RORA: variants seen among roughly 807,000 people sequenced by gnomAD.
RORA encodes the protein nuclear receptor ROR-alpha.
RORA carries 7 observed loss-of-function variants against 69.5 expected under a neutral mutation model. That is an observed-to-expected ratio of 0.10 (90% confidence interval 0.06 to 0.19). The LOEUF (loss-of-function observed/expected upper bound fraction) is 0.19. Ranked by LOEUF, RORA falls within the 10% of genes least tolerant of loss-of-function variation. The pLI is 1.00. For missense variants in RORA, 457 were observed against 663.0 expected (o/e 0.69, Z 3.41); for synonymous variants, 261 against 240.8 (o/e 1.08, Z -0.78).
intron 1 of RORA, among the ~76,000 whole-genome samples, chr15:60,804,327 CAT>C (rs1301221064): frequency 7.0e-6 from 1 of 142,736 alleles, no homozygotes; most frequent in African/African-American, 2.7e-5. Context: ...CTAGTTAACA[CAT>C]GTTTGCTCTG....
intron 2 of RORA, among the ~76,000 whole-genome samples, chr15:60,673,835 A>G (rs1054434886): frequency 6.6e-6 from 1 of 152,170 alleles, no homozygotes; most frequent in Non-Finnish European, 1.5e-5. Flanking sequence ...TAGGTCCTCA[A>G]TGAATAGTTG....
intron 1 of RORA, among the ~76,000 whole-genome samples, chr15:61,015,499 C>A (rs995553013): frequency 6.6e-6 from 1 of 151,930 alleles, no homozygotes; most frequent in African/African-American, 2.4e-5. Flanking sequence ...GGAAGAAAGG[C>A]CTTTTGCTCA....
intron 1 of RORA, among the ~76,000 whole-genome samples, chr15:60,870,802 A>G (rs182144360): frequency 1.3e-5 from 2 of 152,326 alleles, no homozygotes; most frequent in Admixed American, 1.3e-4. Context: ...TCACTTATAG[A>G]GTTGTTTAAC....
chr15:61,032,411 T>C (rs1206440846), intron 1 of RORA, among the ~76,000 whole-genome samples: 1 of 152,194 alleles, frequency 6.6e-6, no homozygotes, highest in Non-Finnish European at 1.5e-5. Context: ...ACTCACAACC[T>C]TGAAAGTGAA....
intron 1 of RORA, among the ~76,000 whole-genome samples, chr15:61,019,885 T>C (rs1480381943): frequency 6.6e-6 from 1 of 152,160 alleles, no homozygotes; most frequent in African/African-American, 2.4e-5. Flanking sequence ...CCTGGTTCCT[T>C]TGCCACTTCT....
intron 3 of RORA, among the ~76,000 whole-genome samples, chr15:60,516,222 T>A (rs1475277208): frequency 3.6e-4 from 5 of 13,914 alleles, no homozygotes; most frequent in African/African-American, 1.0e-3. Flanking sequence ...TATATATATA[T>A]TTATATATAT....
chr15:60,905,868 A>G lies in RORA; in HGVS notation c.167-227182T>C, dbSNP rs1288988599. 1.3e-5 allele frequency among the ~76,000 whole-genome samples: 2 copies of G among 152,130 alleles called. No individual in the cohort carries two copies. The highest frequency in any genetic ancestry group is 4.8e-5 in the African/African-American group (2 of 41,418). On this transcript the variant is annotated intron_variant, in intron 1 of 10. Transcript: ENST00000335670. The surrounding 1 kb of genome is among the most constrained non-coding windows in gnomAD (Gnocchi z 4.8). ...GGTGCTGAATTCACCTTGTTCTTCC[A>G]CCCTCATCATCCTTTATTCTCCCCC...
At chr15:60,811,684 T>C (rs1382140806) in intron 1 of RORA, among the ~76,000 whole-genome samples, 1 of 152,178 alleles carries the variant, frequency 6.6e-6, no homozygotes, top group Non-Finnish European at 1.5e-5. Flanking sequence ...AAACTGACAG[T>C]TTCTTTATGG....
At chr15:60,520,638 G>C (rs2066132728) in intron 3 of RORA, among the ~76,000 whole-genome samples, 1 of 152,098 alleles carries the variant, frequency 6.6e-6, no homozygotes, top group Admixed American at 6.6e-5. Flanking sequence ...AGTGAGCTGA[G>C]AGATGAATTC....
chr15:60,994,162 G>A (rs1317666345), intron 1 of RORA, among the ~76,000 whole-genome samples: 1 of 152,192 alleles, frequency 6.6e-6, no homozygotes, highest in Non-Finnish European at 1.5e-5. Context: ...GTCACTAAGA[G>A]TGGTTATCTA....
intron 1 of RORA, among the ~76,000 whole-genome samples, chr15:61,120,097 T>G (rs2079088596): frequency 6.6e-6 from 1 of 152,180 alleles, no homozygotes; most frequent in Non-Finnish European, 1.5e-5. Context: ...TGGGCTGTGG[T>G]TCTCAGCCCT....
intron 9 of RORA, among the ~76,000 whole-genome samples, chr15:60,500,530 A>G (rs1595865859): frequency 6.6e-6 from 1 of 152,208 alleles, no homozygotes. Context: ...CCAAACATGC[A>G]CTACTGGTTG....
chr15:60,942,135 A>AT (rs1403503344), intron 1 of RORA, among the ~76,000 whole-genome samples: 1 of 152,208 alleles, frequency 6.6e-6, no homozygotes. Flanking sequence ...GAAAACCAAA[A>AT]TATCAGCAAA....
chr15:61,115,678 A>C (rs1162546069), intron 1 of RORA, among the ~76,000 whole-genome samples: 2 of 152,158 alleles, frequency 1.3e-5, no homozygotes, highest in African/African-American at 4.8e-5. Flanking sequence ...GGGGGACTCA[A>C]GCTGTCTCCA....
chr15:60,896,732 CTTTTTTT>C (rs66780614), intron 1 of RORA, among the ~76,000 whole-genome samples: 1 of 117,164 alleles, frequency 8.5e-6, no homozygotes. Flanking sequence ...GAGAATTTAG[CTTTTTTT>C]TTTTTTTTTT....
intron 1 of RORA, among the ~76,000 whole-genome samples, chr15:60,909,737 G>A (rs143689523): frequency 1.1e-3 from 162 of 152,332 alleles, no homozygotes; most frequent in Middle Eastern, 3.4e-3. Flanking sequence ...CTAATTCAGC[G>A]TTCTCACCAC....
intron 2 of RORA, among the ~76,000 whole-genome samples, chr15:60,672,530 C>T (rs1460206739): frequency 6.6e-6 from 1 of 152,090 alleles, no homozygotes; most frequent in Non-Finnish European, 1.5e-5. Context: ...GCACTCAGTG[C>T]CCCACAAGTA....
At chr15:60,744,946 G>A (rs904333437) in intron 1 of RORA, among the ~76,000 whole-genome samples, 5 of 152,196 alleles carry the variant, frequency 3.3e-5, no homozygotes, top group Admixed American at 6.5e-5. Context: ...AAATGCTGGA[G>A]GGCATGATGG....
intron 1 of RORA, among the ~76,000 whole-genome samples, chr15:60,791,545 C>T (rs2072417759): frequency 6.6e-6 from 1 of 152,172 alleles, no homozygotes; most frequent in Non-Finnish European, 1.5e-5. Flanking sequence ...ATAGCTTGAA[C>T]TGTCAGAGAA....
Sources: allele counts gnomAD v4.1 joint callset (sites outside exome capture counted in the v4.1 genomes callset), GRCh38; gene constraint gnomAD v4.1.1; non-coding constraint Gnocchi (gnomAD v3.1); transcripts MANE v1.5; gene names NCBI Gene and HGNC (gene_info 2026-07-23, HGNC 2026-07-21).